The following LARGE1 variants were observed in gnomAD, a reference collection of about 807,000 sequenced individuals.
The protein encoded by LARGE1 is LARGE xylosyl- and glucuronyltransferase 1.
Under a neutral mutation model 87.6 loss-of-function variants are expected in LARGE1, and 43 were observed. The ratio of observed to expected loss-of-function variants is 0.49; its 90% CI spans 0.38 to 0.63. The LOEUF is 0.63. LARGE1 is among the 30% of genes least tolerant of loss of function. The pLI is 0.00. For synonymous variants in LARGE1, 434 were observed against 394.6 expected (o/e 1.10, Z -1.18); for missense variants, 802 against 1,000.2 (o/e 0.80, Z 2.67).
intron 12 of LARGE1, among the ~76,000 whole-genome samples, chr22:33,288,848 A>C (rs1932019755): frequency 6.6e-6 from 1 of 152,182 alleles, no homozygotes; most frequent in Admixed American, 6.5e-5. Context: ...GACCAGCTCC[A>C]GTCCCTGCCT....
At chr22:33,344,436 G>T (rs1039378465) in intron 9 of LARGE1, among the ~76,000 whole-genome samples, 1 of 152,056 alleles carries the variant, frequency 6.6e-6, no homozygotes, top group African/African-American at 2.4e-5. Flanking sequence ...GTATGATAAC[G>T]TGCATTTAAA....
rs189677681 is a variant in LARGE1 at position 33,572,028 on chromosome 22, G to A, written c.616-7009C>T. ...TCTCCAGGCCTTAATTTTCTCACCT[G>A]TAAAAAGGGTAATAGTAGTATATCC... On this transcript the variant is annotated intron_variant, in intron 5 of 14. Coordinates refer to ENST00000397394, the MANE Select transcript of LARGE1 (RefSeq NM_133642.5). 26 of 368,424 alleles carry A rather than the reference G, an allele frequency of 7.1e-5. No individual in the cohort carries two copies. In the East Asian group the frequency reaches 2.1e-3, roughly 30 times the overall value. The allele number at this position is 368,424 out of a possible 1,614,324, so 22.8% of individuals were successfully genotyped here. A position where few individuals can be genotyped will look rare whatever the true frequency, so the allele number is the denominator to read the frequency against.
intron 4 of LARGE1, among the ~76,000 whole-genome samples, chr22:33,614,638 A>T (rs756540153): frequency 2.0e-5 from 3 of 152,032 alleles, no homozygotes; most frequent in Non-Finnish European, 4.4e-5. Context: ...CAACAGCCAC[A>T]TTCCCGGGGA....
chr22:33,159,982 T>C (rs534819026), downstream of LARGE1, among the ~76,000 whole-genome samples: 5 of 151,052 alleles, frequency 3.3e-5, no homozygotes, highest in South Asian at 2.1e-4. Flanking sequence ...AAATAACTTA[T>C]GCACTTAGCA....
At chr22:33,652,180 AAAAAAC>A (rs1263216976) in intron 2 of LARGE1, among the ~76,000 whole-genome samples, 5 of 152,186 alleles carry the variant, frequency 3.3e-5, no homozygotes, top group East Asian at 3.9e-4. Context: ...GTCTCAAAAC[AAAAAAC>A]AAAAACAAAA....
intron 6 of LARGE1, among the ~76,000 whole-genome samples, chr22:33,534,405 AAAAC>A (rs1380829609): frequency 6.8e-6 from 1 of 147,736 alleles, no homozygotes; most frequent in Non-Finnish European, 1.5e-5. Flanking sequence ...CTCTGTCTCA[AAAAC>A]AAACAGACAA....
intron 3 of LARGE1, 102 bp downstream of exon 3, chr22:33,650,265 C>A (rs1299491700): frequency 9.1e-6 from 13 of 1,428,036 alleles, no homozygotes; most frequent in Non-Finnish European, 9.8e-7. Context: ...ATCAAGAATG[C>A]CAGCTCTTGG....
intron 6 of LARGE1, among the ~76,000 whole-genome samples, chr22:33,531,140 C>G: frequency 6.6e-6 from 1 of 152,168 alleles, no homozygotes; most frequent in East Asian, 1.9e-4. Context: ...ATCACCTACT[C>G]CATGTGCAGC....
chr22:33,558,689 A>G (rs1476344062), intron 6 of LARGE1, among the ~76,000 whole-genome samples: 1 of 152,228 alleles, frequency 6.6e-6, no homozygotes. Context: ...AAAGAAAGAC[A>G]AGACCTGAAG....
intron 1 of LARGE1, among the ~76,000 whole-genome samples, chr22:33,826,006 G>A (rs1173460830): frequency 6.6e-6 from 1 of 152,154 alleles, no homozygotes. Flanking sequence ...CAATGCCAAG[G>A]ACAGAGAGAC....
chr22:33,407,945 A>G (rs1163711251), intron 7 of LARGE1, among the ~76,000 whole-genome samples: 1 of 152,186 alleles, frequency 6.6e-6, no homozygotes, highest in African/African-American at 2.4e-5. Flanking sequence ...TGTCATAGTA[A>G]AGTCTGCATG....
chr22:33,087,111 C>A, the LARGE1 span, among the ~76,000 whole-genome samples: 1 of 151,916 alleles, frequency 6.6e-6, no homozygotes, highest in Non-Finnish European at 1.5e-5. Flanking sequence ...ATTTGTTCTG[C>A]TGAAGTAAAT....
At chr22:33,734,435 G>A (rs991943471) in intron 2 of LARGE1, among the ~76,000 whole-genome samples, 2 of 152,198 alleles carry the variant, frequency 1.3e-5, no homozygotes, top group Non-Finnish European at 2.9e-5. Flanking sequence ...CTGGTGCAGA[G>A]GTGAGGGATG....
chr22:33,711,577 G>A (rs2082732920), intron 2 of LARGE1, among the ~76,000 whole-genome samples: 1 of 152,172 alleles, frequency 6.6e-6, no homozygotes, highest in Admixed American at 6.5e-5. Flanking sequence ...CAAATGATAT[G>A]AGCAGAAACA....
intron 2 of LARGE1, among the ~76,000 whole-genome samples, chr22:33,757,209 T>C (rs2084549258): frequency 6.6e-6 from 1 of 152,152 alleles, no homozygotes; most frequent in Non-Finnish European, 1.5e-5. Context: ...TGTTCTTTCT[T>C]ACAGGGAGAC....
At chr22:33,338,802 G>C (rs1158806711) in intron 9 of LARGE1, among the ~76,000 whole-genome samples, 1 of 152,120 alleles carries the variant, frequency 6.6e-6, no homozygotes, top group Non-Finnish European at 1.5e-5. Context: ...GTCAGTTGGG[G>C]AAAAGTGTCC....
chr22:33,124,804 C>T, the LARGE1 span, among the ~76,000 whole-genome samples: 2 of 152,138 alleles, frequency 1.3e-5, no homozygotes, highest in Non-Finnish European at 1.5e-5. Flanking sequence ...AAGTTCGAGA[C>T]CAGCCTGGGC....
intron 1 of LARGE1, among the ~76,000 whole-genome samples, chr22:33,866,951 T>C (rs2064122663): frequency 6.6e-6 from 1 of 152,114 alleles, no homozygotes; most frequent in Non-Finnish European, 1.5e-5. Context: ...TTGCTTACGC[T>C]AACAGGAACA....
At chr22:33,393,549 C>T (rs528044036) in intron 7 of LARGE1, among the ~76,000 whole-genome samples, 85 of 152,348 alleles carry the variant, frequency 5.6e-4, no homozygotes, top group African/African-American at 2.0e-3. Flanking sequence ...TGAAACAACA[C>T]GGATTTGGCT....
Sources: allele counts gnomAD v4.1 joint callset (sites outside exome capture counted in the v4.1 genomes callset), GRCh38; gene constraint gnomAD v4.1.1; transcripts MANE v1.5; gene names NCBI Gene and HGNC (gene_info 2026-07-23, HGNC 2026-07-21).